Variants in EFCAB6 observed in about 807,000 individuals in gnomAD.
EFCAB6 encodes EF-hand calcium-binding domain-containing protein 6.
A neutral mutation model predicts 169.8 loss-of-function variants in EFCAB6; 156 were observed. The observed-to-expected ratio is 0.92, with a 90% CI of 0.81 to 1.05. The LOEUF (loss-of-function observed/expected upper bound fraction) is 1.05. Among genes scored for constraint, EFCAB6 ranks in the 50% least tolerant of loss-of-function variants. The probability of loss-of-function intolerance (pLI) is 0.00; values close to 1 mark genes in which losing one functional copy is unlikely to be tolerated. For synonymous variants in EFCAB6, 698 were observed against 676.4 expected (o/e 1.03, Z -0.50); for missense variants, 1,800 against 1,829.1 (o/e 0.98, Z 0.29).
chr22:43,595,316 A>T (rs1212253456), intron 23 of EFCAB6, among the ~76,000 whole-genome samples: 1 of 152,138 alleles, frequency 6.6e-6, no homozygotes, highest in Non-Finnish European at 1.5e-5. Flanking sequence ...AATACAAAAG[A>T]TCAACAAAAT....
intron 9 of EFCAB6, among the ~76,000 whole-genome samples, chr22:43,714,531 A>AG (rs2059266901): frequency 3.0e-5 from 2 of 66,574 alleles, no homozygotes; most frequent in Admixed American, 3.3e-4. Context: ...TCAAGGATCA[A>AG]GAAAAAAAAA....
rs577127474 is a variant in EFCAB6 at position 43,610,967 on chromosome 22, A to G, written c.2563-2367T>C. 1.1e-4 allele frequency among the ~76,000 whole-genome samples: 16 copies of G among 152,352 alleles called. No individual in the cohort carries two copies. The South Asian group carries it at 3.3e-3, about 32-fold the overall frequency. On this transcript the variant is annotated intron_variant, in intron 21 of 31. Coordinates refer to ENST00000262726, the MANE Select transcript of EFCAB6 (RefSeq NM_022785.4). ...CAGACAGGTGAATACAGAGAATCAC[A>G]ATTTACTGGGACAGACACCCATAAG...
chr22:43,739,032 G>A (rs1212513318), intron 6 of EFCAB6, among the ~76,000 whole-genome samples: 1 of 152,164 alleles, frequency 6.6e-6, no homozygotes, highest in East Asian at 1.9e-4. Flanking sequence ...AAGATGAGCT[G>A]TCTCAGAAAT....
At chr22:43,683,290 C>T (rs1227172115) in intron 12 of EFCAB6, among the ~76,000 whole-genome samples, 1 of 152,288 alleles carries the variant, frequency 6.6e-6, no homozygotes, top group Admixed American at 6.5e-5. Context: ...CATGAATTAG[C>T]CTCTCTTTGT....
intron 22 of EFCAB6, among the ~76,000 whole-genome samples, chr22:43,607,785 C>T (rs1290533198): frequency 6.6e-6 from 1 of 152,142 alleles, no homozygotes; most frequent in Non-Finnish European, 1.5e-5. Flanking sequence ...ATACAGGTGA[C>T]TACGGACATA....
At chr22:43,787,204 T>C (rs1359380861) in intron 2 of EFCAB6, among the ~76,000 whole-genome samples, 3 of 152,104 alleles carry the variant, frequency 2.0e-5, no homozygotes, top group Non-Finnish European at 4.4e-5. Flanking sequence ...ATACTGAAGG[T>C]TCTAGCCAGA....
intron 1 of EFCAB6, among the ~76,000 whole-genome samples, chr22:43,811,050 C>A (rs1454441534): frequency 6.6e-6 from 1 of 152,006 alleles, no homozygotes; most frequent in Non-Finnish European, 1.5e-5. Context: ...CCAAGGCGGG[C>A]GGATGGATCA....
Position 43,719,635 on chromosome 22 carries a change from T to C in EFCAB6, c.758-2663A>G, listed in dbSNP as rs1044754920. ...TGGTAATTTGTTCTTATATAACATA[T>C]TTTCCCCCAAAAAATTTGCTGACTG... On this transcript the variant is annotated intron_variant, in intron 8 of 31. Coordinates refer to ENST00000262726, the MANE Select transcript of EFCAB6 (RefSeq NM_022785.4). 2.6e-5 allele frequency among the ~76,000 whole-genome samples: 4 copies of C among 152,190 alleles called. No homozygotes were observed. In the East Asian group the frequency reaches 5.8e-4, roughly 22 times the overall value.
In EFCAB6 at chr22:43,580,655, C is replaced by A; in HGVS notation, c.3037G>T (p.Gly1013Ter). ...GELTHLLNSW[G>*]VSRHDNAINY... ...ATAGCATTATCATGCCGGCTGACTC[C>A]CCAACTTGTCCCAAAAGGAAGAAAA... is the stretch of plus-strand genomic sequence containing the variant. Residue 1013 changes from glycine to a stop codon, truncating the protein, a stop_gained, in exon 25 of 32, where the codon GGA (glycine) becomes TGA (stop). Transcript: ENST00000262726. LOFTEE classifies it high-confidence loss of function. 1 of 1,613,438 alleles carries A rather than the reference C, an allele frequency of 6.2e-7. No homozygotes were observed. Among genetic ancestry groups the A allele is most frequent in the South Asian group, 1.1e-5 (1 of 90,932 alleles).
At chr22:43,699,422 T>C (rs1232555775) in intron 10 of EFCAB6, among the ~76,000 whole-genome samples, 1 of 152,204 alleles carries the variant, frequency 6.6e-6, no homozygotes, top group African/African-American at 2.4e-5. Context: ...GGAGGGATCC[T>C]GGCTTCCCCC....
At chr22:43,591,872 G>A (rs557715069) in intron 23 of EFCAB6, among the ~76,000 whole-genome samples, 18 of 152,178 alleles carry the variant, frequency 1.2e-4, no homozygotes, top group Admixed American at 5.2e-4. Context: ...AAACAATCTT[G>A]CACTTGATCT....
At chr22:43,700,198 A>G (rs968113296) in intron 10 of EFCAB6, among the ~76,000 whole-genome samples, 1 of 152,192 alleles carries the variant, frequency 6.6e-6, no homozygotes, top group Non-Finnish European at 1.5e-5. Flanking sequence ...ACAGCTTTTT[A>G]AAGTCTAAAA....
rs755398769 is a variant in EFCAB6 at position 43,590,054 on chromosome 22, TTAA to T, written c.3032+17_3032+19del. 228 of 1,608,278 alleles carry T rather than the reference TTAA, an allele frequency of 1.4e-4. No homozygotes were observed. The highest frequency in any genetic ancestry group is 1.9e-4 in the Non-Finnish European group (225 of 1,177,846). ...TTTTTCAGGGCCATGAGAAACATAT[TTAA>T]CTGAGTCCAAAAAGACCTGTTTAGC... On this transcript the variant is annotated intron_variant, in intron 24 of 31. Coordinates refer to ENST00000262726, the MANE Select transcript of EFCAB6 (RefSeq NM_022785.4).
At chr22:43,610,706 T>C (rs2053241200) in intron 21 of EFCAB6, among the ~76,000 whole-genome samples, 1 of 152,214 alleles carries the variant, frequency 6.6e-6, no homozygotes. Flanking sequence ...GTATTTTATA[T>C]ACTTCATTGT....
chr22:43,633,045 T>C (rs1182739367), intron 18 of EFCAB6, among the ~76,000 whole-genome samples: 1 of 152,238 alleles, frequency 6.6e-6, no homozygotes, highest in Non-Finnish European at 1.5e-5. Flanking sequence ...GAGAAGGTCC[T>C]CGTGTTTGTT....
intron 26 of EFCAB6, among the ~76,000 whole-genome samples, chr22:43,562,586 G>T (rs1351044290): frequency 1.1e-4 from 14 of 130,188 alleles, no homozygotes; most frequent in African/African-American, 4.2e-4. Context: ...AGCCCGGTGG[G>T]GGGTTGGAGG....
At chr22:43,643,693 G>C (rs1344428150) in intron 17 of EFCAB6, among the ~76,000 whole-genome samples, 2 of 152,238 alleles carry the variant, frequency 1.3e-5, no homozygotes, top group Non-Finnish European at 2.9e-5. Flanking sequence ...GGACACACTA[G>C]GTTTGTTTCT....
Position 43,554,983 on chromosome 22 carries a change from GTAATGGGAAGTCAC to G in EFCAB6, c.3520_3533del (p.Val1174ProfsTer8). Reference sequence around the variant, plus strand: ...TCTCAAACTCCTGGGTGATGGCATGGTAATGGGAAGTCACTGCTTTGTGGAGGCGAGCCAGGATG... The same window carrying G: ...TCTCAAACTCCTGGGTGATGGCATGGTGCTTTGTGGAGGCGAGCCAGGATG... On this transcript the variant is annotated frameshift_variant, in exon 27 of 32. Coordinates refer to ENST00000262726, the MANE Select transcript of EFCAB6 (RefSeq NM_022785.4). LOFTEE classifies it high-confidence loss of function. 1 of 1,614,216 alleles carries G rather than the reference GTAATGGGAAGTCAC, an allele frequency of 6.2e-7. No individual in the cohort carries two copies.
At chr22:43,607,209 G>C (rs2052987293) in intron 22 of EFCAB6, among the ~76,000 whole-genome samples, 1 of 152,128 alleles carries the variant, frequency 6.6e-6, no homozygotes. Flanking sequence ...CTGCCTCCCT[G>C]CAGACAGGTG....
Sources: gnomAD v4.1 joint callset for allele counts (sites outside exome capture counted in the v4.1 genomes callset) on GRCh38, gnomAD v4.1.1 for gene constraint, MANE v1.5 for transcripts, NCBI Gene and HGNC (gene_info 2026-07-23, HGNC 2026-07-21) for gene names.